The following MALRD1 variants were observed in gnomAD, a reference collection of about 807,000 sequenced individuals.
MALRD1 encodes MAM and LDL-receptor class A domain-containing protein 1.
In MALRD1, 247 loss-of-function variants were observed where a neutral mutation model predicts 242.1. The observed-to-expected ratio is 1.02, with a 90% confidence interval of 0.92 to 1.13. The LOEUF is 1.13. Ranked by LOEUF, MALRD1 falls within the 50% of genes most tolerant of loss-of-function variation. The pLI is 0.00. For synonymous variants in MALRD1, 995 were observed against 866.6 expected (o/e 1.15, Z -2.60); for missense variants, 2,989 against 2,533.1 (o/e 1.18, Z -3.86).
At position 19,359,816 on chromosome 10, in the gene MALRD1, A is replaced by G. The variant is rs189527391; in HGVS notation, c.4441+7519A>G. On this transcript the variant is annotated intron_variant, in intron 26 of 39. Coordinates refer to ENST00000454679, the MANE Select transcript of MALRD1 (RefSeq NM_001142308.3). ...AATGTAACTGAGGGATTCACTACCA[A>G]GTTTATTTATATAAACATGTAATGT... is the stretch of plus-strand genomic sequence containing the variant. Among the ~76,000 whole-genome samples, 69 of 152,222 alleles carry G rather than the reference A, an allele frequency of 4.5e-4. 1 individual carries two copies. Among genetic ancestry groups the G allele is most frequent in the Non-Finnish European group, 6.9e-4 (47 of 68,012 alleles).
intron 36 of MALRD1, among the ~76,000 whole-genome samples, chr10:19,636,010 C>T (rs1017108011): frequency 1.3e-5 from 2 of 151,890 alleles, no homozygotes; most frequent in Admixed American, 6.6e-5. Context: ...AAGCAATTCT[C>T]CTGCCTCAGC....
At chr10:19,673,000 T>C (rs1292008220) in intron 36 of MALRD1, among the ~76,000 whole-genome samples, 1 of 152,150 alleles carries the variant, frequency 6.6e-6, no homozygotes, top group African/African-American at 2.4e-5. Flanking sequence ...GAAATATTAT[T>C]GGAGGTAGTC....
chr10:19,136,492 C>A, intron 9 of MALRD1, 82 bp from the exon 10 acceptor site: 1 of 800,636 alleles, frequency 1.2e-6, no homozygotes, highest in Non-Finnish European at 1.7e-6. Context: ...TCAATAACTA[C>A]TTTGTCTTTA....
At chr10:19,410,681 T>C (rs1029571326) in intron 28 of MALRD1, among the ~76,000 whole-genome samples, 8 of 145,936 alleles carry the variant, frequency 5.5e-5, no homozygotes, top group Non-Finnish European at 1.2e-4. Context: ...CTTCCTTCCT[T>C]TTTTTTTTTT....
chr10:19,254,761 AT>A (rs1249895690), intron 18 of MALRD1, among the ~76,000 whole-genome samples: 2 of 151,954 alleles, frequency 1.3e-5, no homozygotes, highest in East Asian at 3.9e-4. Flanking sequence ...AAACATACCA[AT>A]TTTTAATATA....
rs771305023 is a variant in MALRD1 at position 19,238,498 on chromosome 10, A to AATGTATATTAT, written c.2992-19184_2992-19183insGTATATTATAT. On this transcript the variant is annotated intron_variant, in intron 18 of 39. Transcript: ENST00000454679. Reference sequence around the variant, plus strand: ...ATAATATACATTATATATAATATATAATATAATATATAATGTATATTATAT... The same window carrying AATGTATATTAT: ...ATAATATACATTATATATAATATATAATGTATATTATATATAATATATAATGTATATTATAT... Among the ~76,000 whole-genome samples the AATGTATATTAT allele has an allele frequency of 2.2e-3, 16 of 7,130 alleles. 1 individual carries two copies. Among genetic ancestry groups the AATGTATATTAT allele is most frequent in the African/African-American group, 6.7e-3 (14 of 2,100 alleles). 4.7% of individuals were successfully genotyped at this position (7,130 alleles called of 152,430 possible).
At chr10:19,329,125 T>G (rs969962088) in intron 23 of MALRD1, among the ~76,000 whole-genome samples, 32 of 152,232 alleles carry the variant, frequency 2.1e-4, no homozygotes, top group African/African-American at 7.2e-4. Context: ...CCCCTGATTT[T>G]TTTGACTCTT....
intron 31 of MALRD1, among the ~76,000 whole-genome samples, chr10:19,518,351 A>C (rs1237704060): frequency 1.3e-5 from 2 of 152,226 alleles, no homozygotes; most frequent in East Asian, 1.9e-4. Flanking sequence ...CTGTCTTCTG[A>C]ATTATTGTGC....
intron 21 of MALRD1, among the ~76,000 whole-genome samples, chr10:19,319,145 A>G (rs1271919972): frequency 6.6e-6 from 1 of 152,012 alleles, no homozygotes; most frequent in African/African-American, 2.4e-5. Context: ...AGAAATCCTT[A>G]TTTTGAATGC....
At chr10:19,601,385 C>T (rs1838334783) in intron 34 of MALRD1, among the ~76,000 whole-genome samples, 1 of 151,754 alleles carries the variant, frequency 6.6e-6, no homozygotes, top group South Asian at 2.1e-4. Flanking sequence ...AGATTATTTT[C>T]CTATATTCAG....
intron 11 of MALRD1, among the ~76,000 whole-genome samples, chr10:19,149,077 C>CCATCT (rs1554798064): frequency 6.9e-6 from 1 of 143,920 alleles, no homozygotes; most frequent in African/African-American, 2.6e-5. Context: ...TCTATCTGTC[C>CCATCT]ATCTATCTAT....
At chr10:19,106,777 T>C (rs1836479653) in intron 5 of MALRD1, among the ~76,000 whole-genome samples, 1 of 151,982 alleles carries the variant, frequency 6.6e-6, no homozygotes, top group Non-Finnish European at 1.5e-5. Context: ...TGGTATAAAC[T>C]CCTCTCTTAG....
chr10:19,608,219 A>G (rs948705377), intron 35 of MALRD1, among the ~76,000 whole-genome samples: 3 of 152,112 alleles, frequency 2.0e-5, no homozygotes, highest in East Asian at 1.9e-4. Flanking sequence ...TGGTTTCTAT[A>G]ATAAGGAAAC....
At chr10:19,483,338 G>A (rs1342374178) in intron 29 of MALRD1, among the ~76,000 whole-genome samples, 1 of 152,054 alleles carries the variant, frequency 6.6e-6, no homozygotes, top group Non-Finnish European at 1.5e-5. Context: ...CTTCTGCACA[G>A]CAAAAGAAAC....
At chr10:19,190,985 A>T (rs1835951197) in intron 14 of MALRD1, among the ~76,000 whole-genome samples, 1 of 152,208 alleles carries the variant, frequency 6.6e-6, no homozygotes, top group Non-Finnish European at 1.5e-5. Context: ...AATTTTTTGC[A>T]TCCTAAAACA....
In MALRD1 at chr10:19,184,641, C is replaced by T. The variant is rs558860501; in HGVS notation, c.1951+9313C>T. 1.3e-3 allele frequency among the ~76,000 whole-genome samples: 195 copies of T among 152,184 alleles called. 1 individual carries two copies. The highest frequency in any genetic ancestry group is 4.3e-3 in the South Asian group (21 of 4,830). ...TTGGCTCACTGCAACCTCTGCTTCC[C>T]GGATTCAAGTGATTCTCCTGCCTCA... On this transcript the variant is annotated intron_variant, in intron 14 of 39. Coordinates refer to ENST00000454679, the MANE Select transcript of MALRD1 (RefSeq NM_001142308.3).
chr10:19,206,758 C>T (rs779366717), intron 17 of MALRD1, among the ~76,000 whole-genome samples: 3 of 152,150 alleles, frequency 2.0e-5, no homozygotes, highest in Non-Finnish European at 2.9e-5. Context: ...TGGAGCTAGG[C>T]GTATTCCCTT....
intron 38 of MALRD1, chr10:19,728,526 G>C (rs1043507465): frequency 6.6e-6 from 1 of 152,018 alleles, no homozygotes; most frequent in African/African-American, 2.4e-5. Context: ...TGCAACTGAC[G>C]GCCAAGCTGG....
chr10:19,705,681 C>A (rs375025590), intron 38 of MALRD1, among the ~76,000 whole-genome samples: 1 of 151,674 alleles, frequency 6.6e-6, no homozygotes, highest in Non-Finnish European at 1.5e-5. Context: ...ATTCCTCCTG[C>A]GCCACCTATT....
Sources: allele counts gnomAD v4.1 joint callset (sites outside exome capture counted in the v4.1 genomes callset), GRCh38; gene constraint gnomAD v4.1.1; transcripts MANE v1.5; gene names NCBI Gene and HGNC (gene_info 2026-07-23, HGNC 2026-07-21).